Variants in C6 observed in about 807,000 individuals in gnomAD.
The protein encoded by C6 is complement component C6.
C6 carries 101 observed loss-of-function variants against 112.9 expected under a neutral mutation model. The observed-to-expected ratio is 0.89, with a 90% CI of 0.76 to 1.06. C6 has a LOEUF of 1.06. C6 is among the 50% of genes least tolerant of loss of function. The pLI is 0.00. For missense variants in C6, 1,202 were observed against 1,104.6 expected, an observed-to-expected ratio of 1.09 and a Z score of -1.25; for synonymous variants, 431 against 384.1, an observed-to-expected ratio of 1.12 and a Z score of -1.43.
intron 1 of C6, chr5:41,203,565 T>TAATG: frequency 8.8e-5 from 31 of 350,786 alleles, no homozygotes; most frequent in Admixed American, 1.9e-4. Context: ...ATTTTAGATT[T>TAATG]ATACAGTCTT....
intron 5 of C6, among the ~76,000 whole-genome samples, chr5:41,188,567 A>C (rs1284106830): frequency 6.6e-6 from 1 of 152,096 alleles, no homozygotes; most frequent in Non-Finnish European, 1.5e-5. Flanking sequence ...TAATGGTTAT[A>C]TTGCAAATGA....
chr5:41,220,304 G>T (rs1580218178), intron 1 of C6, among the ~76,000 whole-genome samples: 1 of 152,280 alleles, frequency 6.6e-6, no homozygotes, highest in South Asian at 2.1e-4. Context: ...TTAAAAAGGA[G>T]AATCTAAGGC....
intron 1 of C6, among the ~76,000 whole-genome samples, chr5:41,247,879 A>G (rs1021867545): frequency 2.6e-5 from 4 of 152,142 alleles, no homozygotes; most frequent in Admixed American, 1.3e-4. Flanking sequence ...AAAGAGCCAG[A>G]ATAAGCAAAA....
intron 1 of C6, among the ~76,000 whole-genome samples, chr5:41,260,057 C>A (rs1209765291): frequency 6.6e-6 from 1 of 152,148 alleles, no homozygotes; most frequent in Non-Finnish European, 1.5e-5. Context: ...TACTTATTAT[C>A]CAGTTATGGA....
At chr5:41,248,439 A>AT (rs1741150286) in intron 1 of C6, among the ~76,000 whole-genome samples, 1 of 152,236 alleles carries the variant, frequency 6.6e-6, no homozygotes, top group African/African-American at 2.4e-5. Flanking sequence ...CAAAGGTGTA[A>AT]TATCCAGAAT....
At chr5:41,234,562 G>A (rs1208705686) in intron 1 of C6, among the ~76,000 whole-genome samples, 2 of 151,938 alleles carry the variant, frequency 1.3e-5, no homozygotes, top group African/African-American at 2.4e-5. Context: ...GTAGAAGCTG[G>A]ACAAAAGTGG....
At chr5:41,146,364 C>T (rs754750607) in intron 17 of C6, among the ~76,000 whole-genome samples, 1 of 152,096 alleles carries the variant, frequency 6.6e-6, no homozygotes, top group Non-Finnish European at 1.5e-5. Context: ...TAGCTAAGAG[C>T]ACAATGTAAT....
intron 8 of C6, among the ~76,000 whole-genome samples, chr5:41,176,019 T>A (rs911091580): frequency 1.3e-5 from 2 of 152,234 alleles, no homozygotes; most frequent in Non-Finnish European, 2.9e-5. Flanking sequence ...GGCTTGTAGT[T>A]AAAATTATTA....
At chr5:41,211,442 G>A (rs1409309737) in intron 1 of C6, among the ~76,000 whole-genome samples, 4 of 151,940 alleles carry the variant, frequency 2.6e-5, no homozygotes, top group East Asian at 1.9e-4. Flanking sequence ...ATTCTAGTTC[G>A]TCGGTAAGTA....
Position 41,177,498 on chromosome 5 carries a change from T to TA in C6, c.928-784dup, listed in dbSNP as rs541630307. On this transcript the variant is annotated intron_variant, in intron 7 of 17. Transcript: ENST00000337836. ...ATAAGTGTATTTATGTACATTGTTT[T>TA]AAAAAAAATTTATATACTTTATCTG... Among the ~76,000 whole-genome samples the TA allele has an allele frequency of 3.5e-3, 532 of 152,194 alleles. 1 individual carries two copies. The highest frequency in any genetic ancestry group is 0.012 in the African/African-American group (478 of 41,534).
At chr5:41,220,189 T>C (rs1580218052) in intron 1 of C6, among the ~76,000 whole-genome samples, 1 of 152,286 alleles carries the variant, frequency 6.6e-6, no homozygotes, top group East Asian at 1.9e-4. Flanking sequence ...CTTGCAAAAA[T>C]GAGGCTGGCC....
intron 5 of C6, among the ~76,000 whole-genome samples, chr5:41,189,391 G>T (rs1470206470): frequency 6.6e-6 from 1 of 152,012 alleles, no homozygotes; most frequent in Non-Finnish European, 1.5e-5. Flanking sequence ...ATTAGCTGAT[G>T]AATGAATCAA....
intron 6 of C6, among the ~76,000 whole-genome samples, 162 bp from the exon 7 acceptor site, chr5:41,181,721 G>A (rs1749367610): frequency 6.6e-6 from 1 of 152,170 alleles, no homozygotes; most frequent in Non-Finnish European, 1.5e-5. Context: ...CCTGCACTGA[G>A]GGGTTAATAG....
At position 41,142,584 on chromosome 5, in the gene C6, G is replaced by A. The variant is rs992283347; in HGVS notation, c.*241C>T. On this transcript the variant is annotated 3_prime_UTR_variant, in exon 18 of 18. Coordinates refer to ENST00000337836, the MANE Select transcript of C6 (RefSeq NM_000065.5). ...GTACAATGTGAACAGGAGAATTTAC[G>A]AGACTGCTGTGGAAGTTGGTACCTA... 2.2e-5 allele frequency: 12 copies of A among 545,866 alleles called. No individual in the cohort carries two copies. The highest frequency in any genetic ancestry group is 4.9e-4 in the Middle Eastern group (1 of 2,040). 33.8% of individuals were successfully genotyped at this position (545,866 alleles called of 1,614,324 possible). A position where few individuals can be genotyped will look rare whatever the true frequency, so the allele number is the denominator to read the frequency against.
intron 9 of C6, among the ~76,000 whole-genome samples, chr5:41,171,726 C>T (rs760285018): frequency 6.6e-6 from 1 of 152,128 alleles, no homozygotes; most frequent in African/African-American, 2.4e-5. Flanking sequence ...CTTTCTCACT[C>T]TTTCCATTTG....
intron 5 of C6, among the ~76,000 whole-genome samples, chr5:41,187,131 A>C (rs1272549819): frequency 6.6e-6 from 1 of 152,190 alleles, no homozygotes; most frequent in East Asian, 1.9e-4. Flanking sequence ...CTTTCATAGA[A>C]CATGTAGTGT....
chr5:41,209,267 C>A (rs570022737), intron 1 of C6, among the ~76,000 whole-genome samples: 1 of 152,120 alleles, frequency 6.6e-6, no homozygotes, highest in Non-Finnish European at 1.5e-5. Context: ...CAGTATCATA[C>A]CGAATGAGTA....
chr5:41,179,761 G>A (rs908694461), intron 7 of C6, among the ~76,000 whole-genome samples: 2 of 150,328 alleles, frequency 1.3e-5, no homozygotes, highest in African/African-American at 4.9e-5. Context: ...TTACATGTCT[G>A]TGTCACCAGA....
chr5:41,201,708 T>C lies in C6; in HGVS notation c.150A>G (p.Ile50Met). 1 of 1,613,370 alleles carries C rather than the reference T, an allele frequency of 6.2e-7. No individual in the cohort carries two copies. Among genetic ancestry groups the C allele is most frequent in the Non-Finnish European group, 8.5e-7 (1 of 1,179,454 alleles). ...NSGTQSRHRQ[I>M]VVDKYYQENF... is the part of the protein sequence containing the mutation. ...TTTCCTGGTAGTACTTATCTACTAC[T>C]ATTTGTCTGTAACCATGAAGAAGAA... The change falls in exon 3 of 18, where the codon ATA becomes ATG. Residue 50 changes from isoleucine to methionine, a missense_variant. Physicochemically the swap from Ile to Met is conservative, Grantham distance 10. Transcript: ENST00000337836.
Sources: gnomAD v4.1 joint callset for allele counts (sites outside exome capture counted in the v4.1 genomes callset) on GRCh38, gnomAD v4.1.1 for gene constraint, MANE v1.5 for transcripts, NCBI Gene and HGNC (gene_info 2026-07-23, HGNC 2026-07-21) for gene names.